WDR64: variants seen among roughly 807,000 people sequenced by gnomAD.
The protein encoded by WDR64 is WD repeat domain 64.
A neutral mutation model predicts 139.3 loss-of-function variants in WDR64; 112 were observed. That is an observed-to-expected ratio of 0.80 (90% CI 0.69 to 0.94). WDR64 has a LOEUF of 0.94. Among genes scored for constraint, WDR64 ranks in the 40% least tolerant of loss-of-function variants. The pLI is 0.00. For synonymous variants in WDR64, 444 were observed against 437.7 expected, an observed-to-expected ratio of 1.01 and a Z score of -0.18; for missense variants, 1,206 against 1,293.1, an observed-to-expected ratio of 0.93 and a Z score of 1.03.
chr1:241,788,333 T>A (rs964822597), intron 24 of WDR64, among the ~76,000 whole-genome samples: 2 of 152,188 alleles, frequency 1.3e-5, no homozygotes, highest in African/African-American at 4.8e-5. Flanking sequence ...GGAGGAAGGA[T>A]AGAGTACAGA....
chr1:241,761,540 G>T (rs1236522877), intron 15 of WDR64, among the ~76,000 whole-genome samples: 1 of 150,610 alleles, frequency 6.6e-6, no homozygotes. Context: ...AAAGTTTGTT[G>T]TATATTAGAT....
At chr1:241,657,488 G>A (rs1267254027) in intron 1 of WDR64, among the ~76,000 whole-genome samples, 1 of 152,044 alleles carries the variant, frequency 6.6e-6, no homozygotes, top group Non-Finnish European at 1.5e-5. Flanking sequence ...CTCACTGTAG[G>A]TACCTCATAC....
intron 27 of WDR64, among the ~76,000 whole-genome samples, chr1:241,796,994 G>A (rs1188815288): frequency 1.3e-5 from 2 of 152,214 alleles, no homozygotes; most frequent in East Asian, 3.8e-4. Flanking sequence ...ATAGAGGAGG[G>A]CTGTATAACC....
intron 8 of WDR64, among the ~76,000 whole-genome samples, chr1:241,695,494 A>C (rs1458723605): frequency 6.6e-6 from 1 of 152,214 alleles, no homozygotes; most frequent in East Asian, 1.9e-4. Flanking sequence ...ACATGGGATG[A>C]TAATTATCAA....
intron 16 of WDR64, among the ~76,000 whole-genome samples, chr1:241,766,851 G>C (rs1343537099): frequency 2.0e-5 from 3 of 152,194 alleles, no homozygotes; most frequent in Non-Finnish European, 4.4e-5. Flanking sequence ...AAGGTGAACT[G>C]TAAGCATCTA....
intron 15 of WDR64, among the ~76,000 whole-genome samples, chr1:241,758,089 T>C (rs1670276260): frequency 6.6e-6 from 1 of 152,220 alleles, no homozygotes; most frequent in East Asian, 1.9e-4. Context: ...TTGCAATTTA[T>C]GTCCTGAAGA....
At chr1:241,774,415 T>G (rs1343919389) in intron 20 of WDR64, among the ~76,000 whole-genome samples, 1 of 152,010 alleles carries the variant, frequency 6.6e-6, no homozygotes, top group East Asian at 1.9e-4. Flanking sequence ...GTAAAAGAAA[T>G]AGGAGGAGAA....
rs143090778 is a variant in WDR64, at chr1:241,676,878, A to C, written c.484-1309A>C. On this transcript the variant is annotated intron_variant, in intron 4 of 27. Transcript: ENST00000437684. ...GGGATTACAGGAGTGAGCCATGCCC[A>C]GCCCAAAATTAATTATTTTAAGATT... Among the ~76,000 whole-genome samples, 1,014 of 151,766 alleles carry C rather than the reference A, an allele frequency of 6.7e-3. 12 individuals carry two copies. The highest frequency in any genetic ancestry group is 0.02 in the African/African-American group (815 of 41,334).
At chr1:241,701,203 G>A (rs1028406634) in intron 8 of WDR64, among the ~76,000 whole-genome samples, 3 of 152,060 alleles carry the variant, frequency 2.0e-5, no homozygotes, top group Admixed American at 6.5e-5. Flanking sequence ...GTTGAGTTAC[G>A]CACATTTTCA....
intron 1 of WDR64, among the ~76,000 whole-genome samples, chr1:241,654,508 G>T (rs866369036): frequency 6.6e-6 from 1 of 152,170 alleles, no homozygotes; most frequent in South Asian, 2.1e-4. Context: ...TCTGCTTCAA[G>T]AAACTTCCTT....
intron 7 of WDR64, among the ~76,000 whole-genome samples, chr1:241,685,789 A>G (rs776989063): frequency 6.6e-6 from 1 of 152,202 alleles, no homozygotes; most frequent in African/African-American, 2.4e-5. Context: ...AGTCCCAACA[A>G]AGAATTAGAC....
intron 14 of WDR64, among the ~76,000 whole-genome samples, chr1:241,756,039 AT>A (rs1457768246): frequency 6.6e-6 from 1 of 152,198 alleles, no homozygotes; most frequent in Non-Finnish European, 1.5e-5. Flanking sequence ...TTTCATGGCT[AT>A]ACGGGCTCTT....
At chr1:241,690,676 T>G (rs1667186514) in intron 8 of WDR64, among the ~76,000 whole-genome samples, 1 of 152,072 alleles carries the variant, frequency 6.6e-6, no homozygotes, top group African/African-American at 2.4e-5. Context: ...AAATAAAACT[T>G]TCTCGGACAA....
At chr1:241,714,137 A>G (rs978751346) in intron 9 of WDR64, among the ~76,000 whole-genome samples, 1 of 152,216 alleles carries the variant, frequency 6.6e-6, no homozygotes, top group Non-Finnish European at 1.5e-5. Flanking sequence ...ATGAGCTCCC[A>G]GAGGTTCCTC....
At chr1:241,772,513 A>C (rs1390015593) in intron 19 of WDR64, among the ~76,000 whole-genome samples, 1 of 111,814 alleles carries the variant, frequency 8.9e-6, no homozygotes, top group African/African-American at 3.4e-5. Flanking sequence ...CCCAGGCTGG[A>C]GTGTAGTAGT....
chr1:241,668,834 A>AGGTT (rs964656591), intron 2 of WDR64, among the ~76,000 whole-genome samples: 3 of 151,528 alleles, frequency 2.0e-5, no homozygotes, highest in Admixed American at 6.6e-5. Context: ...CAGGAGGCGG[A>AGGTT]GGTTGCAGTG....
chr1:241,681,282 T>TTCCCCAGAG (rs1220704188), intron 6 of WDR64, among the ~76,000 whole-genome samples: 1 of 152,212 alleles, frequency 6.6e-6, no homozygotes, highest in East Asian at 1.9e-4. Flanking sequence ...TCCCACCCTT[T>TTCCCCAGAG]TCCCCAGAGT....
At chr1:241,658,638 C>CAAAA (rs56278786) in intron 1 of WDR64, among the ~76,000 whole-genome samples, 1 of 83,760 alleles carries the variant, frequency 1.2e-5, no homozygotes. Flanking sequence ...GATCCTGTCT[C>CAAAA]AAAAAAAAAA....
chr1:241,678,156 AG>A, intron 4 of WDR64, 30 bp from the exon 5 acceptor site: 1 of 398,860 alleles, frequency 2.5e-6, no homozygotes, highest in Non-Finnish European at 4.4e-6. Context: ...AGTGCCAACT[AG>A]GTTTCATTAT....
Sources: allele counts gnomAD v4.1 joint callset (sites outside exome capture counted in the v4.1 genomes callset), GRCh38; gene constraint gnomAD v4.1.1; transcripts MANE v1.5; gene names NCBI Gene and HGNC (gene_info 2026-07-23, HGNC 2026-07-21).